The following SPHKAP variants were observed in gnomAD, a reference collection of about 807,000 sequenced individuals.
The protein encoded by SPHKAP is SPHK1 interactor, AKAP domain containing.
A neutral mutation model predicts 137.5 loss-of-function variants in SPHKAP; 67 were observed. The ratio of observed to expected loss-of-function variants is 0.49; its 90% CI spans 0.40 to 0.60. The LOEUF is 0.60. Ranked by LOEUF, SPHKAP falls within the 20% of genes least tolerant of loss-of-function variation. SPHKAP has a pLI of 0.00. For missense variants in SPHKAP, 2,097 were observed against 2,069.3 expected (o/e 1.01, Z -0.26); for synonymous variants, 813 against 785.3 (o/e 1.04, Z -0.59).
intron 1 of SPHKAP, among the ~76,000 whole-genome samples, chr2:228,155,028 A>T (rs1700068464): frequency 6.6e-6 from 1 of 152,088 alleles, no homozygotes; most frequent in Non-Finnish European, 1.5e-5. Flanking sequence ...CAAGGTGTTT[A>T]ATTATACTTT....
At chr2:228,001,321 A>G (rs1574726536) in intron 7 of SPHKAP, among the ~76,000 whole-genome samples, 1 of 144,166 alleles carries the variant, frequency 6.9e-6, no homozygotes, top group Non-Finnish European at 1.5e-5. Context: ...ACATATATAA[A>G]TATATATACA....
chr2:228,099,721 C>A (rs1040407160), intron 3 of SPHKAP, among the ~76,000 whole-genome samples: 4 of 151,968 alleles, frequency 2.6e-5, no homozygotes, highest in Non-Finnish European at 5.9e-5. Flanking sequence ...TTATGTAGTT[C>A]TCTTTGTAGA....
chr2:228,075,509 C>CT (rs1227040324), intron 3 of SPHKAP, among the ~76,000 whole-genome samples: 2 of 151,510 alleles, frequency 1.3e-5, no homozygotes, highest in Non-Finnish European at 2.9e-5. Flanking sequence ...TTTGAAATTT[C>CT]TAGTAGGTTG....
At chr2:227,987,864 CA>C (rs913995614) in intron 11 of SPHKAP, among the ~76,000 whole-genome samples, 3 of 152,014 alleles carry the variant, frequency 2.0e-5, no homozygotes, top group African/African-American at 7.2e-5. Context: ...CTAATTAGCC[CA>C]AAAAAATTTT....
chr2:228,069,881 C>T (rs1202858762), intron 3 of SPHKAP, among the ~76,000 whole-genome samples: 1 of 152,200 alleles, frequency 6.6e-6, no homozygotes, highest in Non-Finnish European at 1.5e-5. Context: ...ACTTGCATTA[C>T]TGCCATTCAA....
At chr2:228,044,760 G>A (rs1695973332) in intron 3 of SPHKAP, among the ~76,000 whole-genome samples, 1 of 152,122 alleles carries the variant, frequency 6.6e-6, no homozygotes, top group African/African-American at 2.4e-5. Flanking sequence ...TGTTTCCTTT[G>A]ACAATGATGC....
chr2:228,104,079 G>T (rs1357691253), intron 3 of SPHKAP, among the ~76,000 whole-genome samples: 4 of 151,448 alleles, frequency 2.6e-5, no homozygotes, highest in African/African-American at 9.7e-5. Flanking sequence ...TAAAATTAAA[G>T]AAGTAATAAT....
At chr2:228,114,221 T>C (rs1227766376) in intron 2 of SPHKAP, among the ~76,000 whole-genome samples, 1 of 152,186 alleles carries the variant, frequency 6.6e-6, no homozygotes, top group Non-Finnish European at 1.5e-5. Context: ...CATTTTCTTT[T>C]CAAATTTCAT....
At chr2:228,101,519 C>T (rs1223117802) in intron 3 of SPHKAP, among the ~76,000 whole-genome samples, 1 of 152,216 alleles carries the variant, frequency 6.6e-6, no homozygotes, top group East Asian at 1.9e-4. Flanking sequence ...GTCTTGCCAT[C>T]ACCTGCTGTT....
chr2:228,148,779 C>G (rs949428572), intron 1 of SPHKAP, among the ~76,000 whole-genome samples: 2 of 151,858 alleles, frequency 1.3e-5, no homozygotes, highest in Admixed American at 6.6e-5. Flanking sequence ...CAAACACCAG[C>G]AGATTTGGAG....
chr2:228,143,520 G>T (rs1415370975), intron 1 of SPHKAP, among the ~76,000 whole-genome samples: 2 of 150,456 alleles, frequency 1.3e-5, no homozygotes, highest in South Asian at 2.1e-4. Flanking sequence ...TTTGAGATGG[G>T]GGTCTCACTC....
chr2:228,047,734 T>C (rs908931935), intron 3 of SPHKAP, among the ~76,000 whole-genome samples: 1 of 152,176 alleles, frequency 6.6e-6, no homozygotes, highest in Non-Finnish European at 1.5e-5. Context: ...CCTTGCAGTT[T>C]GGTGGGCTAA....
chr2:228,069,071 A>G (rs1696921672), intron 3 of SPHKAP, among the ~76,000 whole-genome samples: 1 of 152,192 alleles, frequency 6.6e-6, no homozygotes. Flanking sequence ...GTTCAAGACC[A>G]GCCTGGCTAA....
intron 3 of SPHKAP, among the ~76,000 whole-genome samples, chr2:228,072,174 T>G (rs1697025566): frequency 6.6e-6 from 1 of 152,182 alleles, no homozygotes; most frequent in African/African-American, 2.4e-5. Context: ...TCTTCACACT[T>G]GAACTGGAAT....
chr2:228,152,577 A>G (rs2106401049), intron 1 of SPHKAP, among the ~76,000 whole-genome samples: 1 of 152,096 alleles, frequency 6.6e-6, no homozygotes, highest in African/African-American at 2.4e-5. Flanking sequence ...CATTTAGTTC[A>G]TTTACTGTTA....
intron 7 of SPHKAP, among the ~76,000 whole-genome samples, chr2:228,011,071 C>T (rs1374439856): frequency 1.3e-5 from 2 of 152,258 alleles, no homozygotes; most frequent in East Asian, 3.9e-4. Context: ...GGTTGTTAAC[C>T]TGAGATTGCT....
intron 1 of SPHKAP, among the ~76,000 whole-genome samples, chr2:228,167,635 A>T (rs1700458268): frequency 6.6e-6 from 1 of 152,170 alleles, no homozygotes; most frequent in Non-Finnish European, 1.5e-5. Flanking sequence ...TATGTAAATT[A>T]AGTGGAAGAA....
chr2:227,982,139 G>T (rs908369863), intron 11 of SPHKAP: 2 of 981,914 alleles, frequency 2.0e-6, no homozygotes, highest in Non-Finnish European at 2.4e-6. Context: ...TTTTTTAAGA[G>T]CCAGTCTTTT....
At position 228,132,033 on chromosome 2, in the gene SPHKAP, C is replaced by T; in HGVS notation, c.85G>A (p.Gly29Ser). Residue 29 changes from glycine (G) to serine (S), a missense_variant, in exon 2 of 12, where the codon GGC becomes AGC. Coordinates refer to ENST00000392056, the MANE Select transcript of SPHKAP (RefSeq NM_001142644.2). ...YDVLEPQQGR[G>S]CGSSGSGPGN... ...GGGCCGCTTCCTGAGCTGCCACAGC[C>T]TCTGCCCTGCTGCGGTTCCAAAACG... The T allele has an allele frequency of 6.2e-7, 1 of 1,614,108 alleles. No homozygotes were observed.
Sources: gnomAD v4.1 joint callset for allele counts (sites outside exome capture counted in the v4.1 genomes callset) on GRCh38, gnomAD v4.1.1 for gene constraint, MANE v1.5 for transcripts, NCBI Gene and HGNC (gene_info 2026-07-23, HGNC 2026-07-21) for gene names.